Variants in MS4A12 observed in about 807,000 individuals in gnomAD.
The protein encoded by MS4A12 is membrane spanning 4-domains A12, also known as membrane-spanning 4-domains subfamily A member 12.
Under a neutral mutation model 23.7 loss-of-function variants are expected in MS4A12, and 28 were observed. The ratio of observed to expected loss-of-function variants is 1.18; its 90% CI spans 0.88 to 1.62. The LOEUF (loss-of-function observed/expected upper bound fraction) is 1.62, where lower values mean the gene tolerates loss of function less well. Among genes scored for constraint, MS4A12 ranks in the 40% most tolerant of loss-of-function variants. The probability of loss-of-function intolerance (pLI) is 0.00; values close to 1 mark genes in which losing one functional copy is unlikely to be tolerated. For missense variants in MS4A12, 342 were observed against 327.0 expected (o/e 1.05, Z -0.35); for synonymous variants, 108 against 110.1 (o/e 0.98, Z 0.12).
chr11:60,506,619 G>C lies in MS4A12; in HGVS notation c.589-109G>C. On this transcript the variant is annotated intron_variant, in intron 5 of 6. Transcript: ENST00000016913. ...TGATGATACTGGAAGAATAAGCATG[G>C]AGCGAGTTGAGTATAAGCAATAGCA... 4 of 707,630 alleles carry C rather than the reference G, an allele frequency of 5.7e-6. No individual in the cohort carries two copies. The South Asian group carries it at 7.4e-5, about 13-fold the overall frequency. The allele number at this position is 707,630 out of a possible 1,614,324, so 43.8% of individuals were successfully genotyped here.
rs770710062 is a variant in MS4A12, at chr11:60,503,701, G to A, written c.472G>A (p.Val158Met). 7.4e-6 allele frequency: 12 copies of A among 1,611,234 alleles called. No individual in the cohort carries two copies. The highest frequency in any genetic ancestry group is 1.0e-5 in the Non-Finnish European group (12 of 1,178,654). Residue 158 changes from valine (V) to methionine (M), a missense_variant and splice_region_variant, in exon 5 of 7, where the codon GTG becomes ATG. Transcript: ENST00000016913. ...SASKELSRCLVKGSLGMNIVS... is the reference protein window; with the variant it reads ...SASKELSRCLMKGSLGMNIVS... ...GATTTTTTCCTGCCATCTCCATTAG[G>A]TGAAAGGCAGCCTGGGAATGAACAT... is the stretch of plus-strand genomic sequence containing the variant.
Position 60,506,725 on chromosome 11 carries a change from C to T in MS4A12, c.589-3C>T, listed in dbSNP as rs1332112256. ...AAATTTCACTATTTATTTATGATTT[C>T]AGCTTTCTGGAAAAGGCATTTCAGC... On this transcript the variant is annotated splice_polypyrimidine_tract_variant and splice_region_variant and intron_variant, in intron 5 of 6. Coordinates refer to ENST00000016913, the MANE Select transcript of MS4A12 (RefSeq NM_017716.3). The T allele has an allele frequency of 1.9e-6, 3 of 1,612,978 alleles. No homozygotes were observed. The highest frequency in any genetic ancestry group is 1.7e-6 in the Non-Finnish European group (2 of 1,179,114).
intron 5 of MS4A12, among the ~76,000 whole-genome samples, chr11:60,506,263 A>C (rs963855306): frequency 1.3e-5 from 2 of 152,158 alleles, no homozygotes; most frequent in Non-Finnish European, 2.9e-5. Flanking sequence ...TCTCTTGGTT[A>C]TTCTCTTTTT....
chr11:60,500,218 G>A (rs2086519838), intron 2 of MS4A12, among the ~76,000 whole-genome samples: 1 of 143,560 alleles, frequency 7.0e-6, no homozygotes, highest in South Asian at 2.2e-4. Context: ...TCCAGCCTGG[G>A]CAATAGAGCA....
chr11:60,500,113 A>G (rs2086518725), intron 2 of MS4A12, among the ~76,000 whole-genome samples: 1 of 151,816 alleles, frequency 6.6e-6, no homozygotes, highest in Non-Finnish European at 1.5e-5. Flanking sequence ...TGGTGGCGGG[A>G]GCCTGTAGTC....
Position 60,498,881 on chromosome 11 carries a change from A to G in MS4A12, c.276+1287A>G, listed in dbSNP as rs552361165. 5.3e-5 allele frequency among the ~76,000 whole-genome samples: 8 copies of G among 152,260 alleles called. No homozygotes were observed. In the South Asian group the frequency reaches 1.7e-3, roughly 32 times the overall value. On this transcript the variant is annotated intron_variant, in intron 2 of 6. Transcript: ENST00000016913. ...CTTTAGATGAAAATGTCTTTGAGGTATTTGAAGAACCGGGAGGAGGCCAAT... is the reference window on the plus strand; with the variant it reads ...CTTTAGATGAAAATGTCTTTGAGGTGTTTGAAGAACCGGGAGGAGGCCAAT...
chr11:60,493,482 G>A (rs1373382294), intron 1 of MS4A12, among the ~76,000 whole-genome samples: 1 of 152,154 alleles, frequency 6.6e-6, no homozygotes, highest in African/African-American at 2.4e-5. Context: ...TGCCCCACTG[G>A]GCACTTGATG....
intron 5 of MS4A12, among the ~76,000 whole-genome samples, chr11:60,504,637 C>T (rs2086557413): frequency 6.6e-6 from 1 of 152,186 alleles, no homozygotes; most frequent in Non-Finnish European, 1.5e-5. Flanking sequence ...GAATGACTTC[C>T]TTATCTATCT....
chr11:60,500,043 T>C lies in MS4A12; in HGVS notation c.277-1002T>C, dbSNP rs140788771. ...TCAAGAGGTCAGAAGATCCAGACCT[T>C]CCTGGCTAACCCGTGAAACCCCGTC... On this transcript the variant is annotated intron_variant, in intron 2 of 6. Transcript: ENST00000016913. Among the ~76,000 whole-genome samples the C allele has an allele frequency of 8.0e-3, 815 of 102,094 alleles. 4 individuals are homozygous for C. The highest frequency in any genetic ancestry group is 0.029 in the African/African-American group (773 of 26,496). The allele number at this position is 102,094 out of a possible 152,430, so 67.0% of individuals were successfully genotyped here.
At chr11:60,496,008 T>C (rs1410359561) in intron 1 of MS4A12, among the ~76,000 whole-genome samples, 1 of 152,190 alleles carries the variant, frequency 6.6e-6, no homozygotes, top group Non-Finnish European at 1.5e-5. Context: ...AAGAATCCCA[T>C]TTTCAAGTCC....
intron 6 of MS4A12, 38 bp downstream of exon 6, chr11:60,506,876 T>C (rs1483064142): frequency 1.9e-6 from 3 of 1,581,068 alleles, no homozygotes; most frequent in East Asian, 2.2e-5. Flanking sequence ...AATCTGAAAA[T>C]GCCCTGGAGA....
rs1448390714 is a variant in MS4A12, at chr11:60,507,379, A to C, written c.*255A>C. 6.7e-6 allele frequency: 3 copies of C among 446,110 alleles called. No homozygotes were observed. The East Asian group carries it at 1.1e-4, about 16-fold the overall frequency. The allele number at this position is 446,110 out of a possible 1,614,324, so 27.6% of individuals were successfully genotyped here. A position where few individuals can be genotyped will look rare whatever the true frequency, so the allele number is the denominator to read the frequency against. ...TTCTGCAACTCTCTTAAAGTTAGAA[A>C]TGTTTCTGTTCATATTACTTTTTCC... On this transcript the variant is annotated 3_prime_UTR_variant, in exon 7 of 7. Coordinates refer to ENST00000016913, the MANE Select transcript of MS4A12 (RefSeq NM_017716.3).
intron 2 of MS4A12, 44 bp downstream of exon 2, chr11:60,497,638 G>T (rs777511878): frequency 1.9e-6 from 3 of 1,592,776 alleles, no homozygotes; most frequent in East Asian, 2.2e-5. Flanking sequence ...CATTTGCAAG[G>T]TCTTCTTATA....
intron 3 of MS4A12, among the ~76,000 whole-genome samples, chr11:60,501,472 A>C (rs1271176178): frequency 6.6e-6 from 1 of 152,226 alleles, no homozygotes; most frequent in African/African-American, 2.4e-5. Context: ...CAAAGTTTTG[A>C]TATCCTACTA....
At chr11:60,499,569 T>A (rs2086514771) in intron 2 of MS4A12, among the ~76,000 whole-genome samples, 1 of 152,256 alleles carries the variant, frequency 6.6e-6, no homozygotes, top group South Asian at 2.1e-4. Flanking sequence ...GGTATGTGTG[T>A]GTATGAATGT....
At chr11:60,495,934 C>A (rs2086484699) in intron 1 of MS4A12, among the ~76,000 whole-genome samples, 1 of 152,148 alleles carries the variant, frequency 6.6e-6, no homozygotes, top group African/African-American at 2.4e-5. Flanking sequence ...CAAGGCTGGC[C>A]TGGAAAACAA....
At chr11:60,505,815 A>G (rs2086566054) in intron 5 of MS4A12, among the ~76,000 whole-genome samples, 1 of 152,180 alleles carries the variant, frequency 6.6e-6, no homozygotes, top group Non-Finnish European at 1.5e-5. Flanking sequence ...AGAAAGGGCA[A>G]CACCTTCCCA....
At chr11:60,504,130 T>C (rs1391853298) in intron 5 of MS4A12, among the ~76,000 whole-genome samples, 1 of 152,194 alleles carries the variant, frequency 6.6e-6, no homozygotes, top group East Asian at 1.9e-4. Context: ...CATTTGAAAT[T>C]CTATATAAAT....
At chr11:60,503,948 T>C in intron 5 of MS4A12, 131 bp downstream of exon 5, 1 of 713,838 alleles carries the variant, frequency 1.4e-6, no homozygotes, top group Non-Finnish European at 2.3e-6. Flanking sequence ...CCACCCCTAG[T>C]CATATGATCT....
Sources: gnomAD v4.1 joint callset for allele counts (sites outside exome capture counted in the v4.1 genomes callset) on GRCh38, gnomAD v4.1.1 for gene constraint, MANE v1.5 for transcripts, NCBI Gene and HGNC (gene_info 2026-07-23, HGNC 2026-07-21) for gene names.